The following CAMKMT variants were observed in gnomAD, a reference collection of about 807,000 sequenced individuals.
The protein encoded by CAMKMT is calmodulin-lysine N-methyltransferase, also known as CaM KMT.
A neutral mutation model predicts 48.0 loss-of-function variants in CAMKMT; 53 were observed. The ratio of observed to expected loss-of-function variants is 1.10; its 90% CI spans 0.89 to 1.39. The LOEUF (loss-of-function observed/expected upper bound fraction) is 1.39. Ranked by LOEUF, CAMKMT falls within the 40% of genes most tolerant of loss-of-function variation. The pLI is 0.00. For missense variants in CAMKMT, 428 were observed against 402.7 expected (o/e 1.06, Z -0.54); for synonymous variants, 165 against 152.3 (o/e 1.08, Z -0.61).
intron 3 of CAMKMT, among the ~76,000 whole-genome samples, chr2:44,635,131 A>C (rs1291192933): frequency 1.3e-5 from 2 of 152,194 alleles, no homozygotes; most frequent in Admixed American, 1.3e-4. Context: ...AGTGTTGAGC[A>C]TCCAAAGGGT....
intron 3 of CAMKMT, among the ~76,000 whole-genome samples, chr2:44,542,535 ACACTCTCT>A (rs1208753558): frequency 2.0e-4 from 12 of 59,376 alleles, no homozygotes; most frequent in Admixed American, 6.7e-4. Context: ...ACACACACAC[ACACTCTCT>A]CTCTCTCTCT....
chr2:44,541,849 G>T (rs1369761921), intron 3 of CAMKMT, among the ~76,000 whole-genome samples: 3 of 151,892 alleles, frequency 2.0e-5, no homozygotes. Context: ...AGCCATATCG[G>T]CCGGGCACGA....
At position 44,702,022 on chromosome 2, in the gene CAMKMT, T is replaced by C. The variant is rs1404592521; in HGVS notation, c.377-2261T>C. ...TAATTTTGTTAAAAATCAGCCTCTA[T>C]AATTTTTTGAGACAATTATAAAACT... On this transcript the variant is annotated intron_variant, in intron 3 of 10. Coordinates refer to ENST00000378494, the MANE Select transcript of CAMKMT (RefSeq NM_024766.5). Among the ~76,000 whole-genome samples the C allele has an allele frequency of 3.3e-5, 5 of 152,314 alleles. No individual in the cohort carries two copies. The East Asian group carries it at 5.8e-4, about 18-fold the overall frequency.
chr2:44,364,042 T>C (rs1392839040), intron 1 of CAMKMT, among the ~76,000 whole-genome samples: 2 of 116,738 alleles, frequency 1.7e-5, no homozygotes, highest in Non-Finnish European at 1.7e-5. Flanking sequence ...TTAAATAAGA[T>C]AGAGTCTTGC....
chr2:44,480,225 A>G (rs1447614388), intron 3 of CAMKMT, among the ~76,000 whole-genome samples: 3 of 152,140 alleles, frequency 2.0e-5, no homozygotes, highest in African/African-American at 7.2e-5. Context: ...CTGAGGATGT[A>G]AGTACTGTAC....
chr2:44,555,863 A>G (rs1288242108), intron 3 of CAMKMT, among the ~76,000 whole-genome samples: 2 of 152,172 alleles, frequency 1.3e-5, no homozygotes, highest in African/African-American at 4.8e-5. Context: ...GGATGGGGAC[A>G]GAAAAGTGTC....
At chr2:44,640,622 T>C (rs1050540837) in intron 3 of CAMKMT, among the ~76,000 whole-genome samples, 11 of 152,138 alleles carry the variant, frequency 7.2e-5, no homozygotes, top group African/African-American at 2.7e-4. Flanking sequence ...CACTGCCCAA[T>C]TGGTAGTAAA....
rs528928614 is a variant in CAMKMT at position 44,471,424 on chromosome 2, C to A, written c.376+81119C>A. 3.3e-5 allele frequency among the ~76,000 whole-genome samples: 5 copies of A among 151,932 alleles called. No individual in the cohort carries two copies. The South Asian group carries it at 6.2e-4, about 19-fold the overall frequency. On this transcript the variant is annotated intron_variant, in intron 3 of 10. Transcript: ENST00000378494. Reference sequence around the variant, plus strand: ...ACCAGCCAAGGCAACATAGCAAAACCCCGTCTCTAAAAAATATATACAAAA... The same window carrying A: ...ACCAGCCAAGGCAACATAGCAAAACACCGTCTCTAAAAAATATATACAAAA...
chr2:44,630,847 C>T (rs1271952283), intron 3 of CAMKMT, among the ~76,000 whole-genome samples: 1 of 151,780 alleles, frequency 6.6e-6, no homozygotes, highest in African/African-American at 2.4e-5. Context: ...GGCGATTCCT[C>T]AGGGATCTAG....
chr2:44,454,188 T>A (rs1380021980), intron 3 of CAMKMT, among the ~76,000 whole-genome samples: 1 of 152,132 alleles, frequency 6.6e-6, no homozygotes, highest in Non-Finnish European at 1.5e-5. Context: ...CAGAGTGAGT[T>A]ATTTCATTCT....
intron 3 of CAMKMT, among the ~76,000 whole-genome samples, chr2:44,602,770 C>T (rs1671071615): frequency 6.6e-6 from 1 of 152,054 alleles, no homozygotes; most frequent in Non-Finnish European, 1.5e-5. Flanking sequence ...ATGAGAATAG[C>T]ATGAGGAAAA....
intron 3 of CAMKMT, among the ~76,000 whole-genome samples, chr2:44,607,995 A>T (rs1671384054): frequency 1.3e-5 from 2 of 151,950 alleles, no homozygotes; most frequent in African/African-American, 4.8e-5. Context: ...GTAAAATCAC[A>T]TACCAGGTAT....
chr2:44,445,680 T>G (rs867076993), intron 3 of CAMKMT, among the ~76,000 whole-genome samples: 8,791 of 61,988 alleles, frequency 0.14, 1,391 homozygotes, highest in African/African-American at 0.35. Flanking sequence ...TTTTTTTTTT[T>G]TTTTTTTTTT....
intron 3 of CAMKMT, among the ~76,000 whole-genome samples, chr2:44,550,491 T>G (rs1667647663): frequency 6.6e-6 from 1 of 152,160 alleles, no homozygotes; most frequent in African/African-American, 2.4e-5. Context: ...TGAAGATGAA[T>G]AGTAAAGGAA....
intron 3 of CAMKMT, among the ~76,000 whole-genome samples, chr2:44,574,608 GA>G (rs1669103806): frequency 1.3e-5 from 2 of 150,876 alleles, no homozygotes; most frequent in African/African-American, 2.4e-5. Flanking sequence ...AATACAGGGG[GA>G]AAAAAAAGTC....
chr2:44,523,481 G>C (rs999910966), intron 3 of CAMKMT, among the ~76,000 whole-genome samples: 4 of 151,886 alleles, frequency 2.6e-5, no homozygotes, highest in African/African-American at 9.7e-5. Context: ...TTTTTGTAGA[G>C]AAAGAGTTTC....
At chr2:44,612,052 G>A (rs964099373) in intron 3 of CAMKMT, among the ~76,000 whole-genome samples, 1 of 151,998 alleles carries the variant, frequency 6.6e-6, no homozygotes, top group East Asian at 1.9e-4. Flanking sequence ...TATATCATCT[G>A]GGTAACTTTC....
chr2:44,623,199 T>A (rs1672291670), intron 3 of CAMKMT, among the ~76,000 whole-genome samples: 1 of 152,200 alleles, frequency 6.6e-6, no homozygotes, highest in Non-Finnish European at 1.5e-5. Context: ...CTTGTTGAAT[T>A]AAGCTCCTTA....
At chr2:44,485,103 T>G (rs1268422994) in intron 3 of CAMKMT, among the ~76,000 whole-genome samples, 3 of 152,180 alleles carry the variant, frequency 2.0e-5, no homozygotes, top group African/African-American at 7.2e-5. Flanking sequence ...GAAACTCATA[T>G]ACACTACTAA....
Sources: allele counts gnomAD v4.1 joint callset (sites outside exome capture counted in the v4.1 genomes callset), GRCh38; gene constraint gnomAD v4.1.1; transcripts MANE v1.5; gene names NCBI Gene and HGNC (gene_info 2026-07-23, HGNC 2026-07-21).